Variants in KAZN observed in about 807,000 individuals in gnomAD.
KAZN encodes kazrin.
Under a neutral mutation model 87.4 loss-of-function variants are expected in KAZN, and 40 were observed. That is an observed-to-expected ratio of 0.46 (90% CI 0.36 to 0.60). The LOEUF is 0.60. KAZN is among the 20% of genes least tolerant of loss of function. The probability of loss-of-function intolerance (pLI) is 0.00; values close to 1 mark genes in which losing one functional copy is unlikely to be tolerated. For missense variants in KAZN, 898 were observed against 1,073.9 expected (o/e 0.84, Z 2.29); for synonymous variants, 466 against 458.3 (o/e 1.02, Z -0.22).
chr1:13,965,983 G>A (rs1015463453), intron 1 of KAZN, among the ~76,000 whole-genome samples: 1 of 152,154 alleles, frequency 6.6e-6, no homozygotes, highest in African/African-American at 2.4e-5. Flanking sequence ...TGGAGCCCAG[G>A]AGGGGGAGGC....
At chr1:14,451,931 CTTTTT>C (rs1308821298) in intron 2 of KAZN, among the ~76,000 whole-genome samples, 2 of 89,982 alleles carry the variant, frequency 2.2e-5, no homozygotes, top group East Asian at 5.6e-4. Flanking sequence ...GAGATTAACT[CTTTTT>C]TGTTTTGTTT....
intron 1 of KAZN, among the ~76,000 whole-genome samples, chr1:13,916,744 G>A (rs534102386): frequency 3.0e-4 from 46 of 152,126 alleles, no homozygotes; most frequent in Admixed American, 7.9e-4. Flanking sequence ...AGATCTGCAG[G>A]CGAGGAAGAT....
intron 1 of KAZN, among the ~76,000 whole-genome samples, chr1:14,947,180 C>G (rs999012692): frequency 2.0e-5 from 3 of 152,206 alleles, no homozygotes; most frequent in Admixed American, 2.0e-4. Context: ...GCTTTGGGCT[C>G]CCTGTGTGGA....
At chr1:14,851,925 A>G (rs1324579546) in intron 1 of KAZN, among the ~76,000 whole-genome samples, 1 of 152,224 alleles carries the variant, frequency 6.6e-6, no homozygotes, top group African/African-American at 2.4e-5. Flanking sequence ...CTCAGGGCCT[A>G]GACATGGAGA....
intron 2 of KAZN, among the ~76,000 whole-genome samples, chr1:14,447,208 CATTATT>C (rs55650123): frequency 0.19 from 24,510 of 130,998 alleles, 2,714 homozygotes; most frequent in Middle Eastern, 0.32. Flanking sequence ...GTTTCCACCA[CATTATT>C]ATTATTATTA....
intron 2 of KAZN, among the ~76,000 whole-genome samples, chr1:14,408,461 T>TTTAAACAAC (rs1664046112): frequency 6.6e-6 from 1 of 152,318 alleles, no homozygotes; most frequent in East Asian, 1.9e-4. Flanking sequence ...AGCCACAGGC[T>TTTAAACAAC]GGGTGGTTTA....
chr1:14,784,969 CTT>C (rs143932268), intron 1 of KAZN, among the ~76,000 whole-genome samples: 2,475 of 135,980 alleles, frequency 0.018, 78 homozygotes, highest in African/African-American at 0.061. Flanking sequence ...AGACTGCTTA[CTT>C]TTTTTTTTTT....
At chr1:14,615,639 A>C (rs577350204) in intron 1 of KAZN, among the ~76,000 whole-genome samples, 1 of 151,840 alleles carries the variant, frequency 6.6e-6, no homozygotes, top group Non-Finnish European at 1.5e-5. Flanking sequence ...AAAAAAAAAA[A>C]AGAGGAGCAG....
At chr1:14,872,448 T>G (rs55896840) in intron 1 of KAZN, among the ~76,000 whole-genome samples, 4,637 of 152,358 alleles carry the variant, frequency 0.03, 202 homozygotes, top group African/African-American at 0.1. Flanking sequence ...AACCATATTG[T>G]ACAGTGCAGT....
chr1:15,107,573 A>C (rs1641338674), intron 13 of KAZN, among the ~76,000 whole-genome samples: 1 of 152,204 alleles, frequency 6.6e-6, no homozygotes, highest in Non-Finnish European at 1.5e-5. Context: ...TATGGTAATC[A>C]CTATCTGCCA....
intron 2 of KAZN, among the ~76,000 whole-genome samples, chr1:14,256,310 GCA>G (rs1483825363): frequency 6.6e-6 from 1 of 152,066 alleles, no homozygotes; most frequent in African/African-American, 2.4e-5. Flanking sequence ...TATTTAATAT[GCA>G]CACTGTTAGC....
chr1:14,041,263 T>A (rs55722562), intron 1 of KAZN, among the ~76,000 whole-genome samples: 26,523 of 152,256 alleles, frequency 0.17, 2,708 homozygotes, highest in Non-Finnish European at 0.24. Context: ...CCCAGTAGTA[T>A]AATTCCACGT....
At chr1:14,930,423 AG>A (rs1176424654) in intron 1 of KAZN, among the ~76,000 whole-genome samples, 1 of 152,210 alleles carries the variant, frequency 6.6e-6, no homozygotes, top group Non-Finnish European at 1.5e-5. Flanking sequence ...CTCCCCTCAC[AG>A]CACAGCCTCA....
At chr1:14,246,202 A>C (rs746580324) in intron 2 of KAZN, among the ~76,000 whole-genome samples, 16 of 152,188 alleles carry the variant, frequency 1.1e-4, no homozygotes, top group Non-Finnish European at 2.9e-5. Context: ...GAGGAGCATC[A>C]GGAAAAATAG....
Position 15,114,614 on chromosome 1 carries a change from C to T in KAZN, c.2307C>T (p.Ser769=), listed in dbSNP as rs1167519212. 3.1e-6 allele frequency: 5 copies of T among 1,591,650 alleles called. No individual in the cohort carries two copies. The highest frequency in any genetic ancestry group is 4.3e-6 in the Non-Finnish European group (5 of 1,169,042). ...LEQCRLEGYN[S]LEVTNV ...AGTGCCGTCTGGAAGGCTACAACAG[C>T]CTGGAGGTCACCAACGTGTAAGGAA... is the stretch of plus-strand genomic sequence containing the variant. Residue 769 remains serine (S), a synonymous_variant, in exon 15 of 15, where the codon AGC becomes AGT. Transcript: ENST00000376030.
chr1:14,298,094 G>A (rs749413480), intron 2 of KAZN, among the ~76,000 whole-genome samples: 4 of 152,248 alleles, frequency 2.6e-5, no homozygotes, highest in East Asian at 1.9e-4. Context: ...GTGTGGTGGC[G>A]CATGTCTGTA....
intron 1 of KAZN, among the ~76,000 whole-genome samples, chr1:13,967,842 A>G (rs1641999839): frequency 6.6e-6 from 1 of 152,150 alleles, no homozygotes; most frequent in Non-Finnish European, 1.5e-5. Context: ...TCAAGAACAG[A>G]TGCAGTGGGA....
intron 1 of KAZN, among the ~76,000 whole-genome samples, chr1:14,132,047 C>T (rs1284199377): frequency 1.3e-5 from 2 of 152,024 alleles, no homozygotes; most frequent in African/African-American, 4.8e-5. Flanking sequence ...GGAAGGTGAG[C>T]CCAGGGAAAG....
At chr1:14,481,340 C>G (rs12082114) in intron 2 of KAZN, among the ~76,000 whole-genome samples, 2,645 of 152,106 alleles carry the variant, frequency 0.017, 74 homozygotes, top group African/African-American at 0.061. Context: ...AATAAGCCCT[C>G]AGTAAGGTTA....
Sources: gnomAD v4.1 joint callset for allele counts (sites outside exome capture counted in the v4.1 genomes callset) on GRCh38, gnomAD v4.1.1 for gene constraint, MANE v1.5 for transcripts, NCBI Gene and HGNC (gene_info 2026-07-23, HGNC 2026-07-21) for gene names.